VPS13B: variants seen among roughly 807,000 people sequenced by gnomAD.
The protein encoded by VPS13B is intermembrane lipid transfer protein VPS13B.
Under a neutral mutation model 426.4 loss-of-function variants are expected in VPS13B, and 285 were observed. The observed-to-expected ratio is 0.67, with a 90% CI of 0.61 to 0.74. The LOEUF is 0.74. Ranked by LOEUF, VPS13B falls within the 30% of genes least tolerant of loss-of-function variation. The probability of loss-of-function intolerance (pLI) is 0.00; values close to 1 mark genes in which losing one functional copy is unlikely to be tolerated. For synonymous variants in VPS13B, 1,676 were observed against 1,676.4 expected (o/e 1.00, Z 0.01); for missense variants, 4,537 against 4,782.6 (o/e 0.95, Z 1.51).
chr8:99,238,798 A>G (rs1371539382), intron 17 of VPS13B, among the ~76,000 whole-genome samples: 1 of 152,104 alleles, frequency 6.6e-6, no homozygotes, highest in East Asian at 1.9e-4. Context: ...TTATCAAGTG[A>G]ATGATTAGAT....
chr8:99,413,751 T>G (rs1175937164), intron 21 of VPS13B, among the ~76,000 whole-genome samples: 1 of 152,184 alleles, frequency 6.6e-6, no homozygotes, highest in Non-Finnish European at 1.5e-5. Context: ...GTGAGTGACT[T>G]TCTTAATCTT....
intron 33 of VPS13B, among the ~76,000 whole-genome samples, chr8:99,634,925 C>T (rs995613628): frequency 6.6e-6 from 1 of 151,806 alleles, no homozygotes; most frequent in Non-Finnish European, 1.5e-5. Flanking sequence ...AATTTTGAGA[C>T]TTAAAAATAT....
At chr8:99,307,968 T>A (rs991482418) in intron 19 of VPS13B, among the ~76,000 whole-genome samples, 1 of 152,076 alleles carries the variant, frequency 6.6e-6, no homozygotes, top group African/African-American at 2.4e-5. Context: ...TTCATTTGTT[T>A]CAAGAAACTT....
At chr8:99,299,763 A>C (rs1273248698) in intron 19 of VPS13B, among the ~76,000 whole-genome samples, 1 of 152,080 alleles carries the variant, frequency 6.6e-6, no homozygotes, top group African/African-American at 2.4e-5. Flanking sequence ...TACAAAAATT[A>C]GCTGAGCGTG....
intron 17 of VPS13B, among the ~76,000 whole-genome samples, chr8:99,248,919 A>G (rs375560283): frequency 7.2e-5 from 11 of 152,024 alleles, no homozygotes; most frequent in Admixed American, 2.6e-4. Flanking sequence ...CAACTATTTT[A>G]GAGTGTATGA....
rs997413238 is a variant in VPS13B, at chr8:99,520,947, T to C, written c.4682T>C (p.Val1561Ala). The C allele has an allele frequency of 6.2e-7, 1 of 1,613,740 alleles. No homozygotes were observed. The highest frequency in any genetic ancestry group is 1.3e-5 in the African/African-American group (1 of 74,926). The change falls in exon 30 of 62, where the codon GTT becomes GCT. Residue 1561 changes from valine (V) to alanine (A), a missense_variant. Val to Ala is a moderately conservative substitution (Grantham distance 64, BLOSUM62 0). Transcript: ENST00000357162. ...ACTGTGGTTTTGAAGATTGGCTCTGTTGCCATGGCTCCCCAGGCTGACAAT... is the reference window on the plus strand; with the variant it reads ...ACTGTGGTTTTGAAGATTGGCTCTGCTGCCATGGCTCCCCAGGCTGACAAT... ...EDTVVLKIGS[V>A]AMAPQADNPL...
intron 39 of VPS13B, among the ~76,000 whole-genome samples, chr8:99,732,371 C>T (rs939745079): frequency 6.6e-6 from 1 of 152,114 alleles, no homozygotes; most frequent in Non-Finnish European, 1.5e-5. Context: ...TGTTCCTGCT[C>T]CAGCCACAAG....
intron 17 of VPS13B, among the ~76,000 whole-genome samples, chr8:99,196,736 G>A (rs1813956827): frequency 6.6e-6 from 1 of 152,100 alleles, no homozygotes; most frequent in Non-Finnish European, 1.5e-5. Context: ...ACTATGCCTG[G>A]CTGGGATTTT....
Position 99,111,224 on chromosome 8 carries a change from C to T in VPS13B, c.707C>T (p.Thr236Ile), listed in dbSNP as rs1292634888. ...DPLLYKCSFR[T>I]RLHFTYENLN... ...TTATTATACAAATGTTCCTTCAGAA[C>T]TCGTCTTCATTTTACATATGAAAAC... The change falls in exon 6 of 62, where the codon ACT becomes ATT. Residue 236 changes from threonine (T) to isoleucine (I), a missense_variant. Thr to Ile is a moderately conservative substitution (Grantham distance 89). Around this residue, in one of 2 missense-constraint regions of VPS13B, gnomAD observed 226 missense variants for 308.3 expected, o/e 0.73. Coordinates refer to ENST00000357162, the MANE Select transcript of VPS13B (RefSeq NM_152564.5). 1.9e-6 allele frequency: 3 copies of T among 1,602,538 alleles called. No individual in the cohort carries two copies. The highest frequency in any genetic ancestry group is 1.3e-5 in the African/African-American group (1 of 74,600).
intron 24 of VPS13B, among the ~76,000 whole-genome samples, chr8:99,468,275 C>T (rs1387815353): frequency 6.6e-6 from 1 of 151,938 alleles, no homozygotes; most frequent in Non-Finnish European, 1.5e-5. Context: ...CAATAATTTG[C>T]TCAGAATGAT....
chr8:99,477,524 G>T (rs1030664385), intron 24 of VPS13B, among the ~76,000 whole-genome samples: 32 of 152,292 alleles, frequency 2.1e-4, no homozygotes, highest in African/African-American at 7.2e-4. Context: ...GCTTTTGACT[G>T]TAGCCAGTGT....
intron 19 of VPS13B, among the ~76,000 whole-genome samples, chr8:99,293,641 C>T (rs1252183777): frequency 1.4e-5 from 2 of 147,238 alleles, no homozygotes; most frequent in Admixed American, 1.4e-4. Flanking sequence ...GCAACCTACT[C>T]ATCTGACGAA....
chr8:99,681,137 A>G (rs1486239165), intron 35 of VPS13B, among the ~76,000 whole-genome samples: 1 of 152,204 alleles, frequency 6.6e-6, no homozygotes, highest in Non-Finnish European at 1.5e-5. Context: ...AGGATGTGAA[A>G]GTTCAGAGAA....
intron 19 of VPS13B, 43 bp from the exon 20 acceptor site, chr8:99,384,165 T>C: frequency 6.6e-7 from 1 of 1,509,188 alleles, no homozygotes; most frequent in Non-Finnish European, 9.2e-7. Flanking sequence ...CTTATTGTTT[T>C]TTATGAGGAC....
At chr8:99,489,665 A>G (rs1040909511) in intron 25 of VPS13B, among the ~76,000 whole-genome samples, 1 of 152,150 alleles carries the variant, frequency 6.6e-6, no homozygotes, top group South Asian at 2.1e-4. Flanking sequence ...CTTTGAAGCA[A>G]TTGTGAATGG....
intron 15 of VPS13B, 135 bp from the exon 16 acceptor site, chr8:99,169,904 T>A: frequency 9.6e-7 from 1 of 1,044,792 alleles, no homozygotes; most frequent in South Asian, 1.3e-5. Flanking sequence ...TGTTGATCGT[T>A]TGGGAAGTGG....
At chr8:99,437,359 G>T (rs985564082) in intron 22 of VPS13B, among the ~76,000 whole-genome samples, 3 of 151,488 alleles carry the variant, frequency 2.0e-5, no homozygotes, top group East Asian at 1.9e-4. Context: ...AATTATAATG[G>T]ATTATTTTAT....
At chr8:99,658,444 T>C (rs1830099154) in intron 34 of VPS13B, among the ~76,000 whole-genome samples, 1 of 152,180 alleles carries the variant, frequency 6.6e-6, no homozygotes, top group Non-Finnish European at 1.5e-5. Flanking sequence ...GCTTGCTTTT[T>C]TTCCCCTGTT....
intron 31 of VPS13B, among the ~76,000 whole-genome samples, chr8:99,572,737 A>G (rs1401026031): frequency 6.6e-6 from 1 of 152,098 alleles, no homozygotes; most frequent in African/African-American, 2.4e-5. Context: ...AGTCTTTGCT[A>G]TTGTGAATAG....
Sources: allele counts gnomAD v4.1 joint callset (sites outside exome capture counted in the v4.1 genomes callset), GRCh38; gene constraint gnomAD v4.1.1; regional missense constraint gnomAD v4.1.1; transcripts MANE v1.5; gene names NCBI Gene and HGNC (gene_info 2026-07-23, HGNC 2026-07-21).